Variants in CNTN5 observed in about 807,000 individuals in gnomAD.
CNTN5 encodes contactin-5.
CNTN5 carries 77 observed loss-of-function variants against 129.1 expected under a neutral mutation model. That is an observed-to-expected ratio of 0.60 (90% confidence interval 0.50 to 0.72). The LOEUF (loss-of-function observed/expected upper bound fraction) is 0.72, where lower values mean the gene tolerates loss of function less well. CNTN5 is among the 30% of genes least tolerant of loss of function. The probability of loss-of-function intolerance (pLI) is 0.00; values close to 1 mark genes in which losing one functional copy is unlikely to be tolerated. For missense variants in CNTN5, 1,478 were observed against 1,328.8 expected (o/e 1.11, Z -1.75); for synonymous variants, 509 against 465.6 (o/e 1.09, Z -1.20).
chr11:100,258,882 A>T (rs1204284020), intron 17 of CNTN5, among the ~76,000 whole-genome samples: 8 of 152,204 alleles, frequency 5.3e-5, no homozygotes, highest in Admixed American at 5.2e-4. Flanking sequence ...AAGAAGCTGC[A>T]TCAACTGACA....
At chr11:100,163,187 C>T (rs1294088421) in intron 13 of CNTN5, among the ~76,000 whole-genome samples, 1 of 151,644 alleles carries the variant, frequency 6.6e-6, no homozygotes, top group African/African-American at 2.4e-5. Flanking sequence ...TGTTAACATT[C>T]ATTTGGAGAA....
At chr11:100,038,588 A>C (rs2137660133) in intron 9 of CNTN5, among the ~76,000 whole-genome samples, 1 of 152,118 alleles carries the variant, frequency 6.6e-6, no homozygotes, top group South Asian at 2.1e-4. Context: ...TCCCATTATT[A>C]TTGTGTGGGA....
chr11:99,617,900 C>A (rs1396723248), intron 3 of CNTN5, among the ~76,000 whole-genome samples: 1 of 152,112 alleles, frequency 6.6e-6, no homozygotes, highest in Non-Finnish European at 1.5e-5. Context: ...GGTTAACATT[C>A]CCATGTCCTG....
At chr11:100,119,562 A>C (rs1945948053) in intron 13 of CNTN5, among the ~76,000 whole-genome samples, 1 of 151,928 alleles carries the variant, frequency 6.6e-6, no homozygotes, top group Admixed American at 6.6e-5. Context: ...AGAATGAATA[A>C]AATATAAAAG....
intron 1 of CNTN5, among the ~76,000 whole-genome samples, chr11:99,234,230 A>G (rs1428007482): frequency 1.3e-5 from 2 of 152,196 alleles, no homozygotes. Context: ...TGAGAATGAT[A>G]GTTATCAGAG....
chr11:100,225,821 T>C (rs1367812689), intron 16 of CNTN5, among the ~76,000 whole-genome samples: 1 of 152,088 alleles, frequency 6.6e-6, no homozygotes, highest in African/African-American at 2.4e-5. Flanking sequence ...AACTGGTCTT[T>C]TATTCATCTG....
At position 100,051,988 on chromosome 11, in the gene CNTN5, G is replaced by A. The variant is rs546569574; in HGVS notation, c.981-9224G>A. ...AAAAAATTGAGTCCCAGTTAGTTTC[G>A]TTGATGAATTCTATCAAACATGTAA... On this transcript the variant is annotated intron_variant, in intron 9 of 24. Coordinates refer to ENST00000524871, the MANE Select transcript of CNTN5 (RefSeq NM_014361.4). 1.8e-4 allele frequency among the ~76,000 whole-genome samples: 28 copies of A among 151,908 alleles called. 1 individual carries two copies. The highest frequency in any genetic ancestry group is 5.8e-4 in the East Asian group (3 of 5,182).
At chr11:99,646,371 C>T (rs1951961268) in intron 3 of CNTN5, among the ~76,000 whole-genome samples, 1 of 152,184 alleles carries the variant, frequency 6.6e-6, no homozygotes, top group Non-Finnish European at 1.5e-5. Flanking sequence ...TTTATTCTAT[C>T]TGCATTGACA....
intron 1 of CNTN5, among the ~76,000 whole-genome samples, chr11:99,215,503 T>G (rs984136238): frequency 6.6e-6 from 1 of 152,108 alleles, no homozygotes; most frequent in Non-Finnish European, 1.5e-5. Flanking sequence ...AAGGACTCCA[T>G]GATATTTGGT....
intron 3 of CNTN5, among the ~76,000 whole-genome samples, chr11:99,590,008 G>A (rs895751806): frequency 6.6e-6 from 1 of 152,164 alleles, no homozygotes; most frequent in African/African-American, 2.4e-5. Context: ...GAGATTCACT[G>A]GGCTAGTGAG....
intron 13 of CNTN5, among the ~76,000 whole-genome samples, chr11:100,176,134 C>T (rs1435482602): frequency 1.3e-5 from 2 of 151,988 alleles, no homozygotes; most frequent in African/African-American, 4.8e-5. Context: ...ATTATCCTGC[C>T]TCAACCTCCC....
intron 2 of CNTN5, among the ~76,000 whole-genome samples, chr11:99,505,592 C>A (rs917781473): frequency 6.6e-6 from 1 of 152,128 alleles, no homozygotes; most frequent in Non-Finnish European, 1.5e-5. Context: ...ATAAATCCAG[C>A]CTTTGGGAAA....
rs566448806 is a variant in CNTN5, at chr11:99,376,501, A to G, written c.-71+51017A>G. 2.6e-5 allele frequency among the ~76,000 whole-genome samples: 4 copies of G among 152,304 alleles called. No individual in the cohort carries two copies. In the East Asian group the frequency reaches 7.7e-4, roughly 29 times the overall value. ...TTTTATAAAATTATACAGGCCAATT[A>G]TAAAATTGTCCTTGTAGTTTACTTT... On this transcript the variant is annotated intron_variant, in intron 2 of 24. Coordinates refer to ENST00000524871, the MANE Select transcript of CNTN5 (RefSeq NM_014361.4).
chr11:99,174,445 C>T (rs954004774), intron 1 of CNTN5, among the ~76,000 whole-genome samples: 11 of 152,126 alleles, frequency 7.2e-5, no homozygotes, highest in Non-Finnish European at 1.0e-4. Context: ...CCGTGATTTC[C>T]AAATGAGGAT....
At chr11:99,023,965 G>A (rs532083288) in intron 1 of CNTN5, among the ~76,000 whole-genome samples, 75 of 152,254 alleles carry the variant, frequency 4.9e-4, no homozygotes, top group Middle Eastern at 3.4e-3. Flanking sequence ...TAAGAACCGT[G>A]TTGTAAGGCT....
intron 1 of CNTN5, among the ~76,000 whole-genome samples, chr11:99,314,472 C>T (rs528920267): frequency 3.9e-5 from 6 of 152,006 alleles, no homozygotes; most frequent in South Asian, 4.2e-4. Flanking sequence ...TTCACTTGTT[C>T]GGTAGTGACT....
At chr11:100,008,081 G>T (rs1024445448) in intron 9 of CNTN5, among the ~76,000 whole-genome samples, 2 of 152,004 alleles carry the variant, frequency 1.3e-5, no homozygotes, top group African/African-American at 4.8e-5. Flanking sequence ...ATTTTAGTTT[G>T]CTGTCTTCTA....
At chr11:100,009,151 C>CTTT (rs1940365576) in intron 9 of CNTN5, among the ~76,000 whole-genome samples, 2 of 152,080 alleles carry the variant, frequency 1.3e-5, no homozygotes, top group African/African-American at 4.8e-5. Flanking sequence ...ACTAAAAAGC[C>CTTT]ATAAGCTGCA....
intron 4 of CNTN5, among the ~76,000 whole-genome samples, chr11:99,825,546 C>A (rs1946926687): frequency 6.6e-6 from 1 of 151,936 alleles, no homozygotes; most frequent in African/African-American, 2.4e-5. Flanking sequence ...TCTGTGTTCA[C>A]TTTTTGGATG....
Sources: allele counts gnomAD v4.1 joint callset (sites outside exome capture counted in the v4.1 genomes callset), GRCh38; gene constraint gnomAD v4.1.1; transcripts MANE v1.5; gene names NCBI Gene and HGNC (gene_info 2026-07-23, HGNC 2026-07-21).